The following CFAP251 variants were observed in gnomAD, a reference collection of about 807,000 sequenced individuals.
CFAP251 encodes cilia- and flagella-associated protein 251.
A neutral mutation model predicts 126.7 loss-of-function variants in CFAP251; 93 were observed. The observed-to-expected ratio is 0.73, with a 90% confidence interval of 0.62 to 0.87. The LOEUF is 0.87. CFAP251 is among the 40% of genes least tolerant of loss of function. CFAP251 has a pLI of 0.00. For synonymous variants in CFAP251, 503 were observed against 506.9 expected (o/e 0.99, Z 0.10); for missense variants, 1,287 against 1,389.2 (o/e 0.93, Z 1.17).
In CFAP251 at chr12:121,968,122, T is replaced by C. The variant is rs1465969978; in HGVS notation, c.2724T>C (p.Thr908=). ...AVSYDGCYAF[T]AGGHDRSVVQ... ...CCTATGATGGCTGCTACGCCTTCAC[T>C]GCGGGAGGGCACGATCGCTCGGTGG... The change falls in exon 17 of 22, where the codon ACT becomes ACC. Residue 908 remains threonine, a synonymous_variant. Coordinates refer to ENST00000288912, the MANE Select transcript of CFAP251 (RefSeq NM_144668.6). 5 of 1,612,860 alleles carry C rather than the reference T, an allele frequency of 3.1e-6. No individual in the cohort carries two copies. Among genetic ancestry groups the C allele is most frequent in the Non-Finnish European group, 4.2e-6 (5 of 1,179,162 alleles).
intron 5 of CFAP251, among the ~76,000 whole-genome samples, chr12:121,941,075 G>A (rs1053627478): frequency 2.0e-5 from 3 of 151,024 alleles, no homozygotes; most frequent in African/African-American, 7.3e-5. Context: ...TTTGTTCCCC[G>A]GCTGGAGTGC....
Position 122,001,580 on chromosome 12 carries a change from G to A in CFAP251, c.3319G>A (p.Ala1107Thr), listed in dbSNP as rs1482765166. 1 of 1,613,968 alleles carries A rather than the reference G, an allele frequency of 6.2e-7. No individual in the cohort carries two copies. The highest frequency in any genetic ancestry group is 1.3e-5 in the African/African-American group (1 of 74,910). Residue 1107 changes from alanine to threonine, a missense_variant, in exon 21 of 22, where the codon GCA (alanine) becomes ACA (threonine). Physicochemically the swap from Ala to Thr is moderately conservative, Grantham distance 58. Transcript: ENST00000288912. ...TCCCGAGGGATGGAAATCCGAGCCT[G>A]CAACCTGCTCCGTCAAAGGTACCCC... ...LNPEGWKSEP[A>T]TCSVKGSEIC... is the part of the protein sequence containing the mutation.
At chr12:121,946,825 C>T (rs1014429654) in intron 7 of CFAP251, among the ~76,000 whole-genome samples, 3 of 152,002 alleles carry the variant, frequency 2.0e-5, no homozygotes, top group Admixed American at 2.0e-4. Flanking sequence ...GTGACCTTCC[C>T]ACCTCAGTCT....
rs1417668512 is a variant in CFAP251, at chr12:121,931,811, G to A, written c.813G>A (p.Gln271=). ...TTTACTATATTCGAGAGGAAAGGCAGAGAGTTCTTCTGTATGTTTGTGCTC... is the reference window on the plus strand; with the variant it reads ...TTTACTATATTCGAGAGGAAAGGCAAAGAGTTCTTCTGTATGTTTGTGCTC... ...LPVYYIREER[Q]RVLLYVCAHT... The change falls in exon 4 of 22, where the codon CAG becomes CAA. Residue 271 remains glutamine, a synonymous_variant. Transcript: ENST00000288912. The A allele has an allele frequency of 3.1e-6, 5 of 1,605,776 alleles. No homozygotes were observed. Among genetic ancestry groups the A allele is most frequent in the Non-Finnish European group, 4.2e-6 (5 of 1,176,740 alleles).
At chr12:121,926,112 G>T (rs562800199) in intron 3 of CFAP251, among the ~76,000 whole-genome samples, 1 of 141,214 alleles carries the variant, frequency 7.1e-6, no homozygotes, top group Admixed American at 7.7e-5. Flanking sequence ...CAATCTGCCC[G>T]CCTAGGCCTC....
At chr12:121,970,935 C>T (rs1882309642) in intron 17 of CFAP251, among the ~76,000 whole-genome samples, 1 of 152,200 alleles carries the variant, frequency 6.6e-6, no homozygotes, top group East Asian at 1.9e-4. Context: ...TGGAGAAATG[C>T]CAGTACAGCC....
chr12:121,969,854 A>T (rs1882275224), intron 17 of CFAP251: 1 of 985,290 alleles, frequency 1.0e-6, no homozygotes, highest in African/African-American at 1.7e-5. Context: ...AGAAGAAGAA[A>T]AAAAGGCCTC....
intron 19 of CFAP251, among the ~76,000 whole-genome samples, chr12:121,990,732 T>A (rs138694252): frequency 6.6e-6 from 1 of 152,162 alleles, no homozygotes; most frequent in South Asian, 2.1e-4. Flanking sequence ...TACATCAGTA[T>A]TTTTACACCT....
At chr12:121,952,432 A>G (rs1592980997) in intron 9 of CFAP251, among the ~76,000 whole-genome samples, 1 of 151,956 alleles carries the variant, frequency 6.6e-6, no homozygotes, top group African/African-American at 2.4e-5. Context: ...AAAAAAAAAA[A>G]AATGAATGAA....
At chr12:121,977,972 T>A (rs1882510833) in intron 19 of CFAP251, among the ~76,000 whole-genome samples, 1 of 148,938 alleles carries the variant, frequency 6.7e-6, no homozygotes, top group Non-Finnish European at 1.5e-5. Context: ...AAAATAAAAA[T>A]AAATAAATAA....
At chr12:121,984,470 C>A (rs906735767) in intron 19 of CFAP251, among the ~76,000 whole-genome samples, 3 of 152,068 alleles carry the variant, frequency 2.0e-5, no homozygotes, top group African/African-American at 7.2e-5. Context: ...CCACACCCAG[C>A]TAATTTTTTG....
chr12:121,957,411 A>C, intron 11 of CFAP251, 143 bp downstream of exon 11: 1 of 903,964 alleles, frequency 1.1e-6, no homozygotes, highest in Non-Finnish European at 1.6e-6. Flanking sequence ...TTAAAAAATT[A>C]ATGAAACATA....
rs527901123 is a variant in CFAP251, at chr12:121,939,561, C to G, written c.999-2973C>G. 2.0e-5 allele frequency among the ~76,000 whole-genome samples: 3 copies of G among 150,962 alleles called. No homozygotes were observed. The East Asian group carries it at 5.8e-4, about 29-fold the overall frequency. On this transcript the variant is annotated intron_variant, in intron 5 of 21. Coordinates refer to ENST00000288912, the MANE Select transcript of CFAP251 (RefSeq NM_144668.6). ...GTTTTTTCCTTATTTGTGAAACTCT[C>G]TCTCTACTAGACATGAAGCAACTTG...
intron 16 of CFAP251, 117 bp from the exon 17 acceptor site, chr12:121,967,889 G>A: frequency 2.1e-6 from 2 of 935,064 alleles, no homozygotes; most frequent in Non-Finnish European, 3.2e-6. Flanking sequence ...CTCAGAGATG[G>A]GTCCAGACAC....
chr12:121,941,330 CT>C (rs68005842), intron 5 of CFAP251, among the ~76,000 whole-genome samples: 70 of 87,692 alleles, frequency 8.0e-4, no homozygotes, highest in East Asian at 2.2e-3. Context: ...CCATGCTGGC[CT>C]TTTTTTTTTT....
rs1881157904 is a variant in CFAP251 at position 121,942,422 on chromosome 12, C to T, written c.999-112C>T. 7 of 641,860 alleles carry T rather than the reference C, an allele frequency of 1.1e-5. No homozygotes were observed. In the South Asian group the frequency reaches 1.2e-4, roughly 11 times the overall value. The allele number at this position is 641,860 out of a possible 1,614,324, so 39.8% of individuals were successfully genotyped here. ...GAAAGATTCCACTGTATGGATAGAC[C>T]ACATTTTGTTCTGTTTTGGAGAGGT... On this transcript the variant is annotated intron_variant, in intron 5 of 21. Coordinates refer to ENST00000288912, the MANE Select transcript of CFAP251 (RefSeq NM_144668.6).
At chr12:121,990,331 G>C (rs1343802687) in intron 19 of CFAP251, among the ~76,000 whole-genome samples, 1 of 152,196 alleles carries the variant, frequency 6.6e-6, no homozygotes, top group Non-Finnish European at 1.5e-5. Context: ...CAGGCCTATG[G>C]GTGGGCAACA....
intron 19 of CFAP251, among the ~76,000 whole-genome samples, chr12:121,979,889 G>A (rs1428541904): frequency 6.6e-6 from 1 of 152,148 alleles, no homozygotes; most frequent in African/African-American, 2.4e-5. Flanking sequence ...TTGGTTACAA[G>A]TTACGGAAAC....
chr12:121,968,377 C>T (rs762732254), intron 17 of CFAP251, among the ~76,000 whole-genome samples: 1 of 152,186 alleles, frequency 6.6e-6, no homozygotes, highest in Non-Finnish European at 1.5e-5. Flanking sequence ...GTTTGCAGTT[C>T]AGGCGATGTG....
Sources: allele counts gnomAD v4.1 joint callset (sites outside exome capture counted in the v4.1 genomes callset), GRCh38; gene constraint gnomAD v4.1.1; transcripts MANE v1.5; gene names NCBI Gene and HGNC (gene_info 2026-07-23, HGNC 2026-07-21).